Variants in ANXA4 observed in about 807,000 individuals in gnomAD.
The protein encoded by ANXA4 is 35-beta calcimedin.
A neutral mutation model predicts 49.8 loss-of-function variants in ANXA4; 39 were observed. The observed-to-expected ratio is 0.78, with a 90% CI of 0.61 to 1.02. The LOEUF (loss-of-function observed/expected upper bound fraction) is 1.02. Ranked by LOEUF, ANXA4 falls within the 50% of genes least tolerant of loss-of-function variation. The pLI is 0.00. For synonymous variants in ANXA4, 134 were observed against 152.5 expected (o/e 0.88, Z 0.89); for missense variants, 360 against 410.1 (o/e 0.88, Z 1.05).
chr2:69,675,148 TC>T (rs1373261093), intron 2 of ANXA4, among the ~76,000 whole-genome samples: 1 of 152,186 alleles, frequency 6.6e-6, no homozygotes, highest in East Asian at 1.9e-4. Flanking sequence ...GGTCTCGATC[TC>T]CTGTCCTCGT....
exon 1 of ANXA4, chr2:69,644,622 G>T (rs959015548): frequency 6.6e-6 from 1 of 152,132 alleles, no homozygotes; most frequent in Admixed American, 6.6e-5. Flanking sequence ...CAGATCCTAG[G>T]ATACCGGAGA....
At chr2:69,748,912 CATGTT>C (rs1258929928) in intron 1 of ANXA4, among the ~76,000 whole-genome samples, 1 of 152,030 alleles carries the variant, frequency 6.6e-6, no homozygotes, top group Non-Finnish European at 1.5e-5. Flanking sequence ...GAAGTTTTGC[CATGTT>C]GCCCAGGCTG....
At chr2:69,653,292 G>C (rs1435535287) in intron 2 of ANXA4, 1 of 152,232 alleles carries the variant, frequency 6.6e-6, no homozygotes, top group Non-Finnish European at 1.5e-5. Flanking sequence ...GGTAAGTACA[G>C]AAATGGAGAA....
At chr2:69,663,048 A>G (rs1676784230) in intron 2 of ANXA4, among the ~76,000 whole-genome samples, 2 of 134,452 alleles carry the variant, frequency 1.5e-5, no homozygotes, top group African/African-American at 5.6e-5. Flanking sequence ...GCTGGAGTGC[A>G]GTCGCATGAT....
At chr2:69,799,493 G>A (rs1017922607) in intron 3 of ANXA4, among the ~76,000 whole-genome samples, 3 of 152,154 alleles carry the variant, frequency 2.0e-5, no homozygotes, top group African/African-American at 7.2e-5. Flanking sequence ...TTTTAACTGT[G>A]TGTGGTTAGA....
chr2:69,810,686 T>C lies in ANXA4; in HGVS notation c.477+13T>C. 6.2e-7 allele frequency: 1 copy of C among 1,609,630 alleles called. No homozygotes were observed. Among genetic ancestry groups the C allele is most frequent in the Non-Finnish European group, 8.5e-7 (1 of 1,176,106 alleles). On this transcript the variant is annotated intron_variant, in intron 7 of 12. Coordinates refer to ENST00000394295, the MANE Select transcript of ANXA4 (RefSeq NM_001153.5). ...GTCTCTGTCAGCTGTGAGTGACTGC[T>C]TCTGATGGGGGGCGGGTTTTATCGA...
At chr2:69,799,047 G>A (rs936156656) in intron 3 of ANXA4, among the ~76,000 whole-genome samples, 1 of 152,168 alleles carries the variant, frequency 6.6e-6, no homozygotes, top group Non-Finnish European at 1.5e-5. Context: ...TAGGGAGGAG[G>A]GGCCTCATGA....
intron 2 of ANXA4, among the ~76,000 whole-genome samples, chr2:69,687,426 T>G (rs1677828277): frequency 6.6e-6 from 1 of 151,638 alleles, no homozygotes; most frequent in African/African-American, 2.4e-5. Context: ...GAGAATCACT[T>G]GAACCTGGGA....
At chr2:69,749,693 G>T (rs1025579836) in intron 1 of ANXA4, among the ~76,000 whole-genome samples, 2 of 151,988 alleles carry the variant, frequency 1.3e-5, no homozygotes, top group African/African-American at 4.8e-5. Flanking sequence ...GGGAGGCTGA[G>T]GCAGGCGGAT....
intron 3 of ANXA4, among the ~76,000 whole-genome samples, chr2:69,735,472 G>T (rs755312372): frequency 1.1e-4 from 17 of 152,098 alleles, no homozygotes; most frequent in Non-Finnish European, 1.9e-4. Flanking sequence ...CCATCGTCTT[G>T]GTTTACTGGC....
chr2:69,817,785 C>A (rs1393406060), intron 9 of ANXA4: 1 of 152,166 alleles, frequency 6.6e-6, no homozygotes, highest in African/African-American at 2.4e-5. Context: ...GAGTGTGACA[C>A]CCAGGAAGTT....
chr2:69,789,539 A>G (rs751085503), intron 3 of ANXA4, among the ~76,000 whole-genome samples: 4 of 152,172 alleles, frequency 2.6e-5, no homozygotes, highest in Non-Finnish European at 5.9e-5. Flanking sequence ...ACAGACACAC[A>G]CACAGTGAGT....
intron 2 of ANXA4, among the ~76,000 whole-genome samples, chr2:69,668,279 A>G (rs1677018101): frequency 6.6e-6 from 1 of 152,216 alleles, no homozygotes; most frequent in African/African-American, 2.4e-5. Context: ...CAGAAGTATA[A>G]GGAATGAGTC....
At chr2:69,705,204 G>A (rs1302855263) in intron 2 of ANXA4, among the ~76,000 whole-genome samples, 1 of 152,100 alleles carries the variant, frequency 6.6e-6, no homozygotes, top group Non-Finnish European at 1.5e-5. Flanking sequence ...GCTGAGGTGG[G>A]AGGATCACTG....
chr2:69,726,824 C>A (rs1000071288), intron 3 of ANXA4, among the ~76,000 whole-genome samples: 5 of 152,174 alleles, frequency 3.3e-5, no homozygotes, highest in African/African-American at 1.2e-4. Flanking sequence ...TTTGATATTT[C>A]TCTTGCTGTA....
rs1387162064 is a variant in ANXA4, at chr2:69,813,754, CTCTCTT to C, written c.534+1047_534+1052del. Among the ~76,000 whole-genome samples the C allele has an allele frequency of 1.0e-3, 132 of 131,788 alleles. No homozygotes were observed. The East Asian group carries it at 0.016, about 16-fold the overall frequency. The allele number at this position is 131,788 out of a possible 152,430, so 86.5% of individuals were successfully genotyped here. A position where few individuals can be genotyped will look rare whatever the true frequency, so the allele number is the denominator to read the frequency against. On this transcript the variant is annotated intron_variant, in intron 8 of 12. Coordinates refer to ENST00000394295, the MANE Select transcript of ANXA4 (RefSeq NM_001153.5). ...GACCCAGTATTCTCTCTCTCTCTCT[CTCTCTT>C]TTTTTTTTTTTTTTTTTGAGACAGG... is the stretch of plus-strand genomic sequence containing the variant.
Position 69,756,936 on chromosome 2 carries a change from T to TA in ANXA4, c.-47+14761_-47+14762insA, listed in dbSNP as rs773349599. Among the ~76,000 whole-genome samples, 332 of 148,040 alleles carry TA rather than the reference T, an allele frequency of 2.2e-3. 3 individuals carry two copies. The Middle Eastern group carries it at 0.031, about 14-fold the overall frequency. ...ATTAAATTAATTAATTAATTATTAT[T>TA]TTTTTTTTTTAGACAGAGTCTCACT... On this transcript the variant is annotated intron_variant, in intron 1 of 12. Coordinates refer to ENST00000394295, the MANE Select transcript of ANXA4 (RefSeq NM_001153.5).
chr2:69,710,351 T>A (rs1678638613), intron 2 of ANXA4, among the ~76,000 whole-genome samples: 4 of 152,214 alleles, frequency 2.6e-5, no homozygotes. Context: ...TAAAATTATA[T>A]TAAAAGTAGA....
intron 3 of ANXA4, among the ~76,000 whole-genome samples, chr2:69,723,237 C>G (rs980962473): frequency 1.9e-4 from 28 of 146,928 alleles, no homozygotes; most frequent in African/African-American, 7.0e-4. Context: ...TAAGAGCAAA[C>G]ACCAATGAAA....
Sources: gnomAD v4.1 joint callset for allele counts (sites outside exome capture counted in the v4.1 genomes callset) on GRCh38, gnomAD v4.1.1 for gene constraint, MANE v1.5 for transcripts, NCBI Gene and HGNC (gene_info 2026-07-23, HGNC 2026-07-21) for gene names.